The following MARK4 variants were observed in gnomAD, a reference collection of about 807,000 sequenced individuals.
MARK4 encodes MAP/microtubule affinity-regulating kinase 4.
MARK4 carries 19 observed loss-of-function variants against 81.5 expected under a neutral mutation model. The ratio of observed to expected loss-of-function variants is 0.23; its 90% CI spans 0.16 to 0.34. The LOEUF (loss-of-function observed/expected upper bound fraction) is 0.34. Ranked by LOEUF, MARK4 falls within the 10% of genes least tolerant of loss-of-function variation. The pLI is 1.00. For synonymous variants in MARK4, 436 were observed against 439.0 expected (o/e 0.99, Z 0.08); for missense variants, 772 against 1,058.8 (o/e 0.73, Z 3.76).
At chr19:45,282,371 A>G (rs941546215) in intron 12 of MARK4, among the ~76,000 whole-genome samples, 13 of 152,108 alleles carry the variant, frequency 8.5e-5, no homozygotes, top group African/African-American at 3.1e-4. Context: ...GTTAAAATTC[A>G]TATACCAAAC....
chr19:45,278,436 T>A, intron 9 of MARK4, 80 bp from the exon 10 acceptor site: 1 of 1,281,816 alleles, frequency 7.8e-7, no homozygotes, highest in Non-Finnish European at 1.1e-6. Context: ...CCTCGGAGGT[T>A]TGGGGCAGGG....
chr19:45,298,316 T>C, intron 15 of MARK4: 1 of 1,203,548 alleles, frequency 8.3e-7, no homozygotes, highest in Non-Finnish European at 1.2e-6. Context: ...GCTCTGTGGA[T>C]GTGAGGGTCT....
At chr19:45,286,856 A>G (rs344814) in intron 12 of MARK4, among the ~76,000 whole-genome samples, 2,171 of 152,300 alleles carry the variant, frequency 0.014, 49 homozygotes, top group African/African-American at 0.05. Flanking sequence ...TTTGTAGACA[A>G]ATGATAACAC....
At chr19:45,278,832 T>A (rs1158438157) in intron 10 of MARK4, among the ~76,000 whole-genome samples, 2 of 152,190 alleles carry the variant, frequency 1.3e-5, no homozygotes, top group Admixed American at 1.3e-4. Context: ...CTCAAACTCC[T>A]GACCTCAGGT....
chr19:45,253,728 C>T (rs1183189540), intron 1 of MARK4, among the ~76,000 whole-genome samples: 3 of 152,108 alleles, frequency 2.0e-5, no homozygotes, highest in Non-Finnish European at 4.4e-5. Context: ...GAGCCAGCGA[C>T]GTGATGTGAC....
At chr19:45,278,097 A>ACTCTG in intron 9 of MARK4, 55 bp downstream of exon 9, 1 of 1,598,842 alleles carries the variant, frequency 6.3e-7, no homozygotes, top group East Asian at 2.2e-5. Flanking sequence ...ACTCCCCTAA[A>ACTCTG]CTCTGCCTGC....
chr19:45,266,176 C>A (rs1029774075), intron 6 of MARK4, 49 bp from the exon 7 acceptor site: 2 of 1,592,954 alleles, frequency 1.3e-6, no homozygotes, highest in Middle Eastern at 1.7e-4. Context: ...CTGAGGGAGG[C>A]TGAGGGTTTT....
intron 8 of MARK4, among the ~76,000 whole-genome samples, chr19:45,276,768 G>A (rs1322958236): frequency 1.3e-5 from 2 of 151,670 alleles, no homozygotes; most frequent in Non-Finnish European, 2.9e-5. Context: ...TGGGATTACA[G>A]GGGTCTGCTA....
chr19:45,303,743 A>G lies in MARK4; in HGVS notation c.*1033A>G, dbSNP rs981010631. 1.3e-5 allele frequency: 2 copies of G among 152,202 alleles called. No homozygotes were observed. The highest frequency in any genetic ancestry group is 2.9e-5 in the Non-Finnish European group (2 of 68,038). The allele number at this position is 152,202 out of a possible 1,614,324, so 9.4% of individuals were successfully genotyped here. The stretch of plus-strand genomic sequence containing the variant: ...AGACATGAAGCTCTGTCTGTGGGAG[A>G]CAGGGATTCTGACACAGACACCGGA... On this transcript the variant is annotated 3_prime_UTR_variant, in exon 17 of 17. Coordinates refer to ENST00000262891, the MANE Select transcript of MARK4 (RefSeq NM_001199867.2).
chr19:45,251,998 C>A (rs1055756894), intron 1 of MARK4, among the ~76,000 whole-genome samples: 1 of 152,112 alleles, frequency 6.6e-6, no homozygotes, highest in East Asian at 1.9e-4. Flanking sequence ...ACCTCGCCCC[C>A]TCCCGGATTT....
In MARK4 at chr19:45,299,064, TAAAAAAAA is replaced by T. The variant is rs59720430; in HGVS notation, c.1878-728_1878-721del. Among the ~76,000 whole-genome samples the T allele has an allele frequency of 1.4e-3, 115 of 84,996 alleles. No homozygotes were observed. In the Middle Eastern group the frequency reaches 0.021, roughly 16 times the overall value. 55.8% of individuals were successfully genotyped at this position (84,996 alleles called of 152,430 possible). A position where few individuals can be genotyped will look rare whatever the true frequency, so the allele number is the denominator to read the frequency against. On this transcript the variant is annotated intron_variant, in intron 15 of 16. Transcript: ENST00000262891. ...TGGCAACAGAGGGAGAACCTGTCTC[TAAAAAAAA>T]AAAAAAAAAAAAAAAAAATTGAACA...
chr19:45,254,719 C>G (rs1391508058), intron 1 of MARK4, among the ~76,000 whole-genome samples: 1 of 152,190 alleles, frequency 6.6e-6, no homozygotes, highest in African/African-American at 2.4e-5. Context: ...TTGGAACTGC[C>G]CAGCTGTGGG....
chr19:45,253,818 CA>C (rs1224283471), intron 1 of MARK4, among the ~76,000 whole-genome samples: 1 of 152,152 alleles, frequency 6.6e-6, no homozygotes, highest in African/African-American at 2.4e-5. Flanking sequence ...AACTTGGGTT[CA>C]CATCCTGTTT....
intron 14 of MARK4, among the ~76,000 whole-genome samples, chr19:45,297,070 T>C (rs1319747421): frequency 6.9e-6 from 1 of 145,640 alleles, no homozygotes; most frequent in Non-Finnish European, 1.5e-5. Context: ...AAAAAAAAAT[T>C]AGCCAGGCAT....
At chr19:45,278,396 C>T in intron 9 of MARK4, 120 bp from the exon 10 acceptor site, 2 of 907,470 alleles carry the variant, frequency 2.2e-6, no homozygotes, top group Non-Finnish European at 3.6e-6. Context: ...GGCGCTATCT[C>T]TTAGGAAGCC....
intron 1 of MARK4, chr19:45,258,745 G>C: frequency 3.9e-6 from 2 of 517,476 alleles, no homozygotes; most frequent in Non-Finnish European, 6.8e-6. Flanking sequence ...TCAGACTGCA[G>C]TGAGGGTTGA....
At chr19:45,266,121 C>T in intron 6 of MARK4, 104 bp from the exon 7 acceptor site, 2 of 1,153,838 alleles carry the variant, frequency 1.7e-6, no homozygotes, top group Non-Finnish European at 2.6e-6. Context: ...TCAGGCTGTG[C>T]CTTGGGGAGG....
At chr19:45,291,127 C>T (rs1178401780) in intron 13 of MARK4, among the ~76,000 whole-genome samples, 3 of 151,958 alleles carry the variant, frequency 2.0e-5, no homozygotes, top group Non-Finnish European at 4.4e-5. Context: ...CTCTGAGGCC[C>T]GTGTGTCAGA....
chr19:45,252,490 A>C (rs1480674949), intron 1 of MARK4, among the ~76,000 whole-genome samples: 2 of 149,212 alleles, frequency 1.3e-5, no homozygotes, highest in African/African-American at 2.5e-5. Flanking sequence ...CCCTTCCCCA[A>C]CCCCCAACCT....
Sources: allele counts gnomAD v4.1 joint callset (sites outside exome capture counted in the v4.1 genomes callset), GRCh38; gene constraint gnomAD v4.1.1; transcripts MANE v1.5; gene names NCBI Gene and HGNC (gene_info 2026-07-23, HGNC 2026-07-21).